Variants in EVI5L observed in about 807,000 individuals in gnomAD.
EVI5L encodes the protein ecotropic viral integration site 5 like.
EVI5L carries 30 observed loss-of-function variants against 106.1 expected under a neutral mutation model. That is an observed-to-expected ratio of 0.28 (90% CI 0.21 to 0.38). The LOEUF (loss-of-function observed/expected upper bound fraction) is 0.38. Ranked by LOEUF, EVI5L falls within the 10% of genes least tolerant of loss-of-function variation. The pLI is 1.00. For synonymous variants in EVI5L, 489 were observed against 483.3 expected (o/e 1.01, Z -0.15); for missense variants, 809 against 1,098.0 (o/e 0.74, Z 3.72).
chr19:7,862,147 G>A lies in EVI5L; in HGVS notation c.1670G>A (p.Trp557Ter). Residue 557 changes from tryptophan to a stop codon, truncating the protein, a stop_gained, in exon 16 of 20, where the codon TGG becomes TAG. Coordinates refer to ENST00000538904, the MANE Select transcript of EVI5L (RefSeq NM_001159944.3). LOFTEE classifies it high-confidence loss of function. ...GCCCATCTGGCCCGCGGCGGCCGCT[G>A]GAAGGAGTCCCCACGGAAGCTGGTC... ...WQAHLARGGR[W>*]KESPRKLVVG... 6.4e-7 allele frequency: 1 copy of A among 1,574,586 alleles called. No homozygotes were observed.
In EVI5L at chr19:7,848,984, G is replaced by A. The variant is rs374122325; in HGVS notation, c.391G>A (p.Ala131Thr). The change falls in exon 4 of 20, where the codon GCC becomes ACC. Residue 131 changes from alanine to threonine, a missense_variant. By Grantham distance (58) the Ala-to-Thr change is moderately conservative. This residue lies in a region of EVI5L where 357 missense variants were observed against 588.1 expected (regional missense o/e 0.61). Coordinates refer to ENST00000538904, the MANE Select transcript of EVI5L (RefSeq NM_001159944.3). The surrounding 1 kb of genome is among the most constrained non-coding windows in gnomAD (Gnocchi z 4.8). ...RAIVWQLLCSATDMPVKNQYS... is the reference protein window; with the variant it reads ...RAIVWQLLCSTTDMPVKNQYS... ...CATCGTGTGGCAGCTTCTGTGCAGC[G>A]CCACGGACATGCCCGTCAAGAACCA... 14 of 1,613,416 alleles carry A rather than the reference G, an allele frequency of 8.7e-6. No individual in the cohort carries two copies. The highest frequency in any genetic ancestry group is 1.6e-4 in the Middle Eastern group (1 of 6,084).
In EVI5L at chr19:7,846,925, G is replaced by A. The variant is rs148756694; in HGVS notation, c.137+246G>A. Reference sequence around the variant, plus strand: ...TCAAGTGAATCTGTGAATCCGCCGCGGTTAATGGAGCCAGGACTGGAGGAA... The same window carrying A: ...TCAAGTGAATCTGTGAATCCGCCGCAGTTAATGGAGCCAGGACTGGAGGAA... On this transcript the variant is annotated intron_variant, in intron 2 of 19. Coordinates refer to ENST00000538904, the MANE Select transcript of EVI5L (RefSeq NM_001159944.3). Among the ~76,000 whole-genome samples, 413 of 152,338 alleles carry A rather than the reference G, an allele frequency of 2.7e-3. 4 individuals carry two copies. The highest frequency in any genetic ancestry group is 9.5e-3 in the African/African-American group (393 of 41,560).
chr19:7,850,158 G>T lies in EVI5L; in HGVS notation c.753+36G>T. 1 of 1,584,938 alleles carries T rather than the reference G, an allele frequency of 6.3e-7. No homozygotes were observed. The highest frequency in any genetic ancestry group is 8.6e-7 in the Non-Finnish European group (1 of 1,166,602). ...CCGCAGGAGAGCAGGGCTGCAGGAG[G>T]GCAGGGCCACAGGTGGGCAGGGCCG... On this transcript the variant is annotated intron_variant, in intron 6 of 19. Transcript: ENST00000538904. The surrounding 1 kb of genome is among the most constrained non-coding windows in gnomAD (Gnocchi z 5.4).
rs1979544259 is a variant in EVI5L at position 7,856,718 on chromosome 19, C to T, written c.1201-374C>T. On this transcript the variant is annotated intron_variant, in intron 11 of 19. Transcript: ENST00000538904. This position sits in a 1 kb window ranked among gnomAD's most constrained non-coding sequence, Gnocchi z 6.6. ...AAAATTACAACGCACCCCCTCCTCTCCCACTCTCCAGGAGGTCCGCACGAA... is the reference window on the plus strand; with the variant it reads ...AAAATTACAACGCACCCCCTCCTCTTCCACTCTCCAGGAGGTCCGCACGAA... 6.6e-6 allele frequency among the ~76,000 whole-genome samples: 1 copy of T among 152,164 alleles called. No homozygotes were observed. Among genetic ancestry groups the T allele is most frequent in the South Asian group, 2.1e-4 (1 of 4,828 alleles).
chr19:7,830,371 G>A lies in EVI5L; in HGVS notation c.-58G>A. ...AGGCTCGGCACGGAGATGGCGGCGC[G>A]CTCGGCGCAGGTAGGGCGGCGCGGG... On this transcript the variant is annotated 5_prime_UTR_variant, in exon 1 of 20. Coordinates refer to ENST00000538904, the MANE Select transcript of EVI5L (RefSeq NM_001159944.3). 6.6e-6 allele frequency: 1 copy of A among 151,476 alleles called. No individual in the cohort carries two copies. Among genetic ancestry groups the A allele is most frequent in the South Asian group, 1.8e-4 (1 of 5,538 alleles). The allele number at this position is 151,476 out of a possible 1,614,324, so 9.4% of individuals were successfully genotyped here. A position where few individuals can be genotyped will look rare whatever the true frequency, so the allele number is the denominator to read the frequency against.
chr19:7,855,108 CT>C (rs1979456545), intron 10 of EVI5L, among the ~76,000 whole-genome samples: 1 of 148,708 alleles, frequency 6.7e-6, no homozygotes, highest in African/African-American at 2.5e-5. Flanking sequence ...GTGCAAATAT[CT>C]TTTTCTTTTT....
At chr19:7,854,114 T>G (rs1979407196) in intron 10 of EVI5L, among the ~76,000 whole-genome samples, 1 of 151,780 alleles carries the variant, frequency 6.6e-6, no homozygotes, top group African/African-American at 2.4e-5. Flanking sequence ...AAACCCCGTC[T>G]CTATTAAAAA....
chr19:7,831,868 T>C (rs1978294769), intron 1 of EVI5L, among the ~76,000 whole-genome samples: 1 of 152,204 alleles, frequency 6.6e-6, no homozygotes, highest in Non-Finnish European at 1.5e-5. Flanking sequence ...CACCCACAAC[T>C]AGTGTGTTTG....
At chr19:7,842,136 G>A (rs1978630863) in intron 1 of EVI5L, among the ~76,000 whole-genome samples, 1 of 152,068 alleles carries the variant, frequency 6.6e-6, no homozygotes. Flanking sequence ...GTGAATGTAT[G>A]TCATGTGCAT....
Position 7,846,476 on chromosome 19 carries a change from C to T in EVI5L, c.-47-20C>T, listed in dbSNP as rs1398929434. On this transcript the variant is annotated intron_variant, in intron 1 of 19. Coordinates refer to ENST00000538904, the MANE Select transcript of EVI5L (RefSeq NM_001159944.3). ...GTGGGCTCCCACCCAATGCCGACCA[C>T]GCATGTCTCTGGCCCCCAGACAGAG... 5.5e-5 allele frequency: 84 copies of T among 1,532,772 alleles called. No individual in the cohort carries two copies. The highest frequency in any genetic ancestry group is 7.4e-5 in the Non-Finnish European group (84 of 1,139,654). 94.9% of individuals were successfully genotyped at this position (1,532,772 alleles called of 1,614,324 possible). A position where few individuals can be genotyped will look rare whatever the true frequency, so the allele number is the denominator to read the frequency against.
At chr19:7,838,194 C>G (rs1341208081) in intron 1 of EVI5L, among the ~76,000 whole-genome samples, 1 of 150,458 alleles carries the variant, frequency 6.6e-6, no homozygotes, top group Non-Finnish European at 1.5e-5. Flanking sequence ...CTGCAACTTC[C>G]GCCTCCTGGG....
At chr19:7,834,212 G>A (rs1375480578) in intron 1 of EVI5L, among the ~76,000 whole-genome samples, 3 of 152,160 alleles carry the variant, frequency 2.0e-5, no homozygotes, top group Non-Finnish European at 2.9e-5. Flanking sequence ...AGCAGGGTAT[G>A]GTGGTGCACA....
Position 7,857,063 on chromosome 19 carries a change from T to C in EVI5L, c.1201-29T>C. 1.3e-6 allele frequency: 2 copies of C among 1,551,664 alleles called. No individual in the cohort carries two copies. The highest frequency in any genetic ancestry group is 1.7e-6 in the Non-Finnish European group (2 of 1,146,854). On this transcript the variant is annotated intron_variant, in intron 11 of 19. Coordinates refer to ENST00000538904, the MANE Select transcript of EVI5L (RefSeq NM_001159944.3). The surrounding 1 kb of genome is among the most constrained non-coding windows in gnomAD (Gnocchi z 4.5). ...CGCCTTCCGCTCTGCCTCCTCCCCC[T>C]GTCGCTGGGAACCCCCTTCGCCGGG...
In EVI5L at chr19:7,838,008, T is replaced by G. The variant is rs78027839; in HGVS notation, c.-48+7627T>G. Among the ~76,000 whole-genome samples the G allele has an allele frequency of 3.3e-5, 5 of 150,486 alleles. No individual in the cohort carries two copies. In the East Asian group the frequency reaches 1.0e-3, roughly 30 times the overall value. Reference sequence around the variant, plus strand: ...GTGAGCCCCCATGCCCGGCCAACCTTGACGGTTTTGAGGAAGGTGGAGTAG... The same window carrying G: ...GTGAGCCCCCATGCCCGGCCAACCTGGACGGTTTTGAGGAAGGTGGAGTAG... On this transcript the variant is annotated intron_variant, in intron 1 of 19. Transcript: ENST00000538904.
Position 7,864,059 on chromosome 19 carries a change from C to T in EVI5L, c.*357C>T. 3.9e-6 allele frequency: 1 copy of T among 258,192 alleles called. No homozygotes were observed. Among genetic ancestry groups the T allele is most frequent in the East Asian group, 7.2e-5 (1 of 13,914 alleles). The allele number at this position is 258,192 out of a possible 1,614,324, so 16.0% of individuals were successfully genotyped here. The stretch of plus-strand genomic sequence containing the variant: ...GCACTGAATGAGCAGGCAGCTCCCA[C>T]CTCCTGGCAGGCTTCCTTCTGGGAC... On this transcript the variant is annotated 3_prime_UTR_variant, in exon 20 of 20. Transcript: ENST00000538904. The surrounding 1 kb of genome is among the most constrained non-coding windows in gnomAD (Gnocchi z 4.5).
chr19:7,862,315 G>A, intron 16 of EVI5L, 38 bp downstream of exon 16: 1 of 1,583,002 alleles, frequency 6.3e-7, no homozygotes. Context: ...GAAGGGGCGT[G>A]GTGTCCGTGG....
intron 1 of EVI5L, among the ~76,000 whole-genome samples, chr19:7,832,343 T>C (rs1203764610): frequency 1.3e-5 from 2 of 152,336 alleles, no homozygotes; most frequent in East Asian, 3.9e-4. Context: ...ACTGTGCGTC[T>C]GGGGTCCTTC....
At chr19:7,832,694 A>T (rs1423658271) in intron 1 of EVI5L, among the ~76,000 whole-genome samples, 1 of 152,072 alleles carries the variant, frequency 6.6e-6, no homozygotes, top group Non-Finnish European at 1.5e-5. Flanking sequence ...CCATCTTCCT[A>T]GGGCTGAGCT....
intron 10 of EVI5L, among the ~76,000 whole-genome samples, chr19:7,854,441 A>T (rs1254021402): frequency 1.3e-5 from 2 of 152,124 alleles, no homozygotes; most frequent in Non-Finnish European, 2.9e-5. Flanking sequence ...GCAGAGCCGC[A>T]CAGTGGCTAA....
Sources: allele counts gnomAD v4.1 joint callset (sites outside exome capture counted in the v4.1 genomes callset), GRCh38; gene constraint gnomAD v4.1.1; regional missense constraint gnomAD v4.1.1; non-coding constraint Gnocchi (gnomAD v3.1); transcripts MANE v1.5; gene names NCBI Gene and HGNC (gene_info 2026-07-23, HGNC 2026-07-21).